Variants in FHIT observed in about 807,000 individuals in gnomAD.
The protein encoded by FHIT is bis(5'-adenosyl)-triphosphatase.
Under a neutral mutation model 17.9 loss-of-function variants are expected in FHIT, and 19 were observed. The ratio of observed to expected loss-of-function variants is 1.06; its 90% confidence interval spans 0.74 to 1.56. The LOEUF is 1.56. Ranked by LOEUF, FHIT falls within the 40% of genes most tolerant of loss-of-function variation. The probability of loss-of-function intolerance (pLI) is 0.00; values close to 1 mark genes in which losing one functional copy is unlikely to be tolerated. For synonymous variants in FHIT, 81 were observed against 69.7 expected (o/e 1.16, Z -0.81); for missense variants, 248 against 189.2 (o/e 1.31, Z -1.82).
intron 2 of FHIT, among the ~76,000 whole-genome samples, chr3:61,163,569 T>C (rs540726978): frequency 1.3e-5 from 2 of 152,142 alleles, no homozygotes; most frequent in South Asian, 2.1e-4. Context: ...AAGAAATCTC[T>C]AGCCTTCCTC....
At chr3:61,023,786 G>C (rs2032586919) in intron 3 of FHIT, among the ~76,000 whole-genome samples, 1 of 152,092 alleles carries the variant, frequency 6.6e-6, no homozygotes, top group Admixed American at 6.5e-5. Flanking sequence ...TGGGAAAACT[G>C]GCTAGCCAAA....
chr3:60,747,490 A>G (rs1395160045), intron 4 of FHIT, among the ~76,000 whole-genome samples: 2 of 152,256 alleles, frequency 1.3e-5, no homozygotes, highest in Non-Finnish European at 2.9e-5. Flanking sequence ...TTTGCTGAAT[A>G]AATAAAAAAA....
intron 3 of FHIT, among the ~76,000 whole-genome samples, chr3:60,892,142 T>A (rs1553760878): frequency 6.6e-6 from 1 of 152,226 alleles, no homozygotes; most frequent in African/African-American, 2.4e-5. Flanking sequence ...AATGGAGCAA[T>A]TTCATTTCAC....
At chr3:60,433,971 C>G (rs1251236780) in intron 5 of FHIT, among the ~76,000 whole-genome samples, 2 of 151,944 alleles carry the variant, frequency 1.3e-5, no homozygotes, top group Non-Finnish European at 2.9e-5. Flanking sequence ...GTGTCCTATC[C>G]AAGAAATTAT....
chr3:60,627,872 C>A (rs150851424), intron 4 of FHIT, among the ~76,000 whole-genome samples: 65 of 152,246 alleles, frequency 4.3e-4, no homozygotes, highest in African/African-American at 1.5e-3. Context: ...TCTTTCTTTC[C>A]TGCTTAGTCA....
intron 8 of FHIT, among the ~76,000 whole-genome samples, chr3:59,871,199 C>T (rs1452122255): frequency 1.3e-5 from 2 of 152,074 alleles, no homozygotes; most frequent in African/African-American, 4.8e-5. Context: ...CCTATAGTGG[C>T]AAGGAAGTGT....
intron 5 of FHIT, among the ~76,000 whole-genome samples, chr3:60,298,399 T>A (rs951216153): frequency 1.3e-5 from 2 of 152,082 alleles, no homozygotes; most frequent in African/African-American, 4.8e-5. Flanking sequence ...AAAACACTCT[T>A]ATCTCCAGAG....
chr3:60,173,788 G>A (rs1206808936), intron 5 of FHIT, among the ~76,000 whole-genome samples: 1 of 148,774 alleles, frequency 6.7e-6, no homozygotes, highest in African/African-American at 2.5e-5. Context: ...CCTCAGCAGA[G>A]AAAATCGAGA....
chr3:61,015,125 A>G (rs769290427), intron 3 of FHIT, among the ~76,000 whole-genome samples: 25 of 152,142 alleles, frequency 1.6e-4, no homozygotes, highest in South Asian at 6.2e-4. Context: ...CAGTAACAAT[A>G]GACAAAGTAT....
intron 4 of FHIT, among the ~76,000 whole-genome samples, chr3:60,624,999 C>T (rs1194167718): frequency 1.3e-5 from 2 of 152,106 alleles, no homozygotes; most frequent in Non-Finnish European, 2.9e-5. Flanking sequence ...ATCTCCGCCT[C>T]TCAGGCTCAA....
In FHIT at chr3:61,192,516, C is replaced by A. The variant is rs540621175; in HGVS notation, c.-164+8101G>T. Among the ~76,000 whole-genome samples the A allele has an allele frequency of 8.5e-5, 13 of 152,312 alleles. No homozygotes were observed. In the Middle Eastern group the frequency reaches 0.017, roughly 199 times the overall value. On this transcript the variant is annotated intron_variant, in intron 2 of 9. Transcript: ENST00000492590. ...AATGCCTTCCCATCAATCATGACAT[C>A]CCTGGGGCAGCAGGTAGACTTGCAG...
chr3:61,231,859 G>A (rs761255175), intron 1 of FHIT, among the ~76,000 whole-genome samples: 2 of 152,182 alleles, frequency 1.3e-5, no homozygotes, highest in Non-Finnish European at 2.9e-5. Flanking sequence ...CATACATATG[G>A]AAAATGAAAC....
At chr3:60,018,423 T>G (rs1700426996) in intron 5 of FHIT, among the ~76,000 whole-genome samples, 1 of 152,140 alleles carries the variant, frequency 6.6e-6, no homozygotes, top group Non-Finnish European at 1.5e-5. Flanking sequence ...TGTGTGACTT[T>G]CCAAGGTTAG....
Position 60,105,858 on chromosome 3 carries a change from TGA to T in FHIT, c.104-91708_104-91707del, listed in dbSNP as rs1254196370. On this transcript the variant is annotated intron_variant, in intron 5 of 9. Coordinates refer to ENST00000492590, the MANE Select transcript of FHIT (RefSeq NM_002012.4). ...AGAAAATGGGCAGGAAAATTAGTAA[TGA>T]GAGATGAATTTTCAGAGAAAAGAAT... 2.6e-5 allele frequency among the ~76,000 whole-genome samples: 4 copies of T among 152,296 alleles called. No homozygotes were observed. In the South Asian group the frequency reaches 8.3e-4, roughly 32 times the overall value.
chr3:59,762,131 T>C (rs1701548552), intron 8 of FHIT, among the ~76,000 whole-genome samples: 1 of 152,048 alleles, frequency 6.6e-6, no homozygotes, highest in African/African-American at 2.4e-5. Flanking sequence ...GCGGGTAGTG[T>C]AGACAACATG....
rs577629688 is a variant in FHIT at position 60,063,656 on chromosome 3, T to C, written c.104-49504A>G. On this transcript the variant is annotated intron_variant, in intron 5 of 9. Transcript: ENST00000492590. ...TTGTTGAGAGAGAACATTTCTTGCA[T>C]ATCCAGCATTTGGCAATCTCTTAGC... Among the ~76,000 whole-genome samples the C allele has an allele frequency of 3.0e-4, 45 of 152,372 alleles. 1 individual carries two copies. The South Asian group carries it at 3.5e-3, about 12-fold the overall frequency.
intron 3 of FHIT, among the ~76,000 whole-genome samples, chr3:60,915,844 A>G (rs1296971004): frequency 1.3e-5 from 2 of 152,174 alleles, no homozygotes; most frequent in African/African-American, 4.8e-5. Context: ...AATATCCACA[A>G]TTGTCTTAAT....
chr3:60,284,865 C>T (rs549009991), intron 5 of FHIT, among the ~76,000 whole-genome samples: 82 of 152,068 alleles, frequency 5.4e-4, no homozygotes, highest in Non-Finnish European at 1.1e-3. Context: ...TTCCCCAAGC[C>T]CACTCAAGGA....
At chr3:60,233,985 T>G (rs907487021) in intron 5 of FHIT, among the ~76,000 whole-genome samples, 12 of 152,180 alleles carry the variant, frequency 7.9e-5, no homozygotes, top group Non-Finnish European at 1.3e-4. Flanking sequence ...CAGGTACATC[T>G]TTATTAGCAG....
Sources: gnomAD v4.1 joint callset for allele counts (sites outside exome capture counted in the v4.1 genomes callset) on GRCh38, gnomAD v4.1.1 for gene constraint, MANE v1.5 for transcripts, NCBI Gene and HGNC (gene_info 2026-07-23, HGNC 2026-07-21) for gene names.